NFRKB: variants seen among roughly 807,000 people sequenced by gnomAD.
NFRKB encodes nuclear factor related to kappa-B-binding protein.
A neutral mutation model predicts 135.7 loss-of-function variants in NFRKB; 62 were observed. The ratio of observed to expected loss-of-function variants is 0.46; its 90% CI spans 0.37 to 0.56. The LOEUF (loss-of-function observed/expected upper bound fraction) is 0.56, where lower values mean the gene tolerates loss of function less well. Among genes scored for constraint, NFRKB ranks in the 20% least tolerant of loss-of-function variants. NFRKB has a pLI of 0.00. For synonymous variants in NFRKB, 678 were observed against 635.6 expected (o/e 1.07, Z -1.00); for missense variants, 1,545 against 1,662.0 (o/e 0.93, Z 1.22).
intron 13 of NFRKB, among the ~76,000 whole-genome samples, chr11:129,880,982 A>G (rs941477690): frequency 8.5e-5 from 13 of 152,348 alleles, no homozygotes; most frequent in African/African-American, 3.1e-4. Flanking sequence ...GCATGTTATG[A>G]CAACTTACAC....
At position 129,881,758 on chromosome 11, in the gene NFRKB, T is replaced by C; in HGVS notation, c.1287A>G (p.Pro429=). 6 of 1,614,192 alleles carry C rather than the reference T, an allele frequency of 3.7e-6. No individual in the cohort carries two copies. The highest frequency in any genetic ancestry group is 2.2e-5 in the East Asian group (1 of 44,888). ...AAPNWAELVL[P]ALQYLAGESR... ...TTTCTCCAGCAAGATACTGCAGGGC[T>C]GGTAGTACCAACTCAGCCCAGTTGG... The change falls in exon 12 of 27, where the codon CCA becomes CCG. Residue 429 remains proline, a synonymous_variant. Transcript: ENST00000682444.
chr11:129,870,283 T>C (rs1231494319), intron 23 of NFRKB, 22 bp from the exon 24 acceptor site: 3 of 1,600,020 alleles, frequency 1.9e-6, no homozygotes, highest in Non-Finnish European at 2.6e-6. Context: ...GAAGCAGCAC[T>C]GATGAGGGAT....
At position 129,874,948 on chromosome 11, in the gene NFRKB, A is replaced by G; in HGVS notation, c.1855-32T>C. On this transcript the variant is annotated intron_variant, in intron 18 of 26. Transcript: ENST00000682444. This position sits in a 1 kb window ranked among gnomAD's most constrained non-coding sequence, Gnocchi z 4.5. ...ATCAGACAAAGGGAAATAAGAAACAAGTCAAGCTTAGATAACAGAAGTTAT... is the reference window on the plus strand; with the variant it reads ...ATCAGACAAAGGGAAATAAGAAACAGGTCAAGCTTAGATAACAGAAGTTAT... The G allele has an allele frequency of 1.9e-6, 3 of 1,613,082 alleles. No individual in the cohort carries two copies. Among genetic ancestry groups the G allele is most frequent in the Non-Finnish European group, 2.5e-6 (3 of 1,179,214 alleles).
At chr11:129,871,814 C>G (rs912577999) in intron 23 of NFRKB, among the ~76,000 whole-genome samples, 1 of 152,316 alleles carries the variant, frequency 6.6e-6, no homozygotes, top group East Asian at 1.9e-4. Context: ...TAAACCAGAT[C>G]AAGTCACCCT....
At chr11:129,864,886 G>A (rs1263156375) in intron 26 of NFRKB, 36 bp from the exon 27 acceptor site, 1 of 1,614,058 alleles carries the variant, frequency 6.2e-7, no homozygotes, top group Admixed American at 1.7e-5. Context: ...TCAATGGATT[G>A]CAAGCGGGCT....
At chr11:129,875,679 A>T (rs1948733180) in intron 17 of NFRKB, among the ~76,000 whole-genome samples, 2 of 114,914 alleles carry the variant, frequency 1.7e-5, no homozygotes, top group Non-Finnish European at 3.5e-5. Flanking sequence ...TTTTTTTGAG[A>T]CAGTTTCGCT....
In NFRKB at chr11:129,875,468, T is replaced by C. The variant is rs1948716817; in HGVS notation, c.1748-5A>G. The C allele has an allele frequency of 1.9e-6, 3 of 1,592,366 alleles. No homozygotes were observed. Among genetic ancestry groups the C allele is most frequent in the Non-Finnish European group, 2.6e-6 (3 of 1,169,622 alleles). On this transcript the variant is annotated splice_region_variant and splice_polypyrimidine_tract_variant and intron_variant, in intron 17 of 26. Transcript: ENST00000682444. ...GTCGAGCCGCAGCGTCCCGAACTGATGACATGAGAAAGCACACAGTCCACA... is the reference window on the plus strand; with the variant it reads ...GTCGAGCCGCAGCGTCCCGAACTGACGACATGAGAAAGCACACAGTCCACA...
intron 4 of NFRKB, among the ~76,000 whole-genome samples, chr11:129,887,094 C>A (rs1016184285): frequency 6.6e-6 from 1 of 152,204 alleles, no homozygotes; most frequent in Non-Finnish European, 1.5e-5. Context: ...CCATTCAGGG[C>A]CTTGTGCCAG....
Position 129,869,830 on chromosome 11 carries a change from G to T in NFRKB, c.3195C>A (p.Gly1065=). ...SSAFRLMPAL[G]VSVADQKGKS... ...TTCCCTTCTGGTCAGCCACACTCAC[G>T]CCAAGAGCTGGCATCAAGCGAAAAG... The change falls in exon 24 of 27, where the codon GGC becomes GGA. Residue 1065 remains glycine (G), a synonymous_variant. Coordinates refer to ENST00000682444, the MANE Select transcript of NFRKB (RefSeq NM_001143835.2). 6.2e-7 allele frequency: 1 copy of T among 1,614,236 alleles called. No individual in the cohort carries two copies. Among genetic ancestry groups the T allele is most frequent in the Non-Finnish European group, 8.5e-7 (1 of 1,180,054 alleles).
rs1202639968 is a variant in NFRKB at position 129,885,532 on chromosome 11, A to G, written c.543T>C (p.Pro181=). The G allele has an allele frequency of 1.9e-6, 3 of 1,613,988 alleles. No homozygotes were observed. The highest frequency in any genetic ancestry group is 2.5e-6 in the Non-Finnish European group (3 of 1,179,980). The change falls in exon 6 of 27, where the codon CCT becomes CCC. Residue 181 remains proline, a synonymous_variant. Transcript: ENST00000682444. ...RQKRPSPSRT[P]EEREWRTQQR... The stretch of plus-strand genomic sequence containing the variant: ...GCTGGGTCCGCCACTCCCGCTCCTC[A>G]GGTGTGCGGGATGGTGAAGGGCGTT...
At chr11:129,872,827 A>C in intron 23 of NFRKB, 57 bp downstream of exon 23, 2 of 1,512,450 alleles carry the variant, frequency 1.3e-6, no homozygotes, top group South Asian at 2.6e-5. Flanking sequence ...CTCCAGCTCC[A>C]GTGGTCCCTG....
At chr11:129,891,314 C>A (rs371488706) in intron 3 of NFRKB, among the ~76,000 whole-genome samples, 1 of 152,300 alleles carries the variant, frequency 6.6e-6, no homozygotes. Context: ...TAAGCCCTGG[C>A]AGCAAACTAA....
intron 11 of NFRKB, 41 bp downstream of exon 11, chr11:129,882,045 T>C (rs781647344): frequency 1.3e-6 from 2 of 1,542,366 alleles, no homozygotes; most frequent in East Asian, 2.2e-5. Context: ...TTGAACACTT[T>C]GAAAACTCTA....
intron 3 of NFRKB, among the ~76,000 whole-genome samples, chr11:129,889,308 AG>A (rs1352644369): frequency 6.6e-6 from 1 of 152,162 alleles, no homozygotes; most frequent in African/African-American, 2.4e-5. Flanking sequence ...TTGAGATTAA[AG>A]ACTACATATG....
At chr11:129,891,976 T>A (rs1949576796) in intron 3 of NFRKB, among the ~76,000 whole-genome samples, 1 of 152,234 alleles carries the variant, frequency 6.6e-6, no homozygotes, top group African/African-American at 2.4e-5. Flanking sequence ...CATAACAATC[T>A]TCTGGTTTTA....
chr11:129,882,559 G>A lies in NFRKB; in HGVS notation c.974C>T (p.Thr325Met), dbSNP rs569617706. ...KEEKKKKKIKTIKSEAEDLAE... is the reference protein window; with the variant it reads ...KEEKKKKKIKMIKSEAEDLAE... ...CAGGTCCTCTGCCTCTGATTTGATC[G>A]TTTTTATTTTCTTCTTCTTCTTTTC... Residue 325 changes from threonine to methionine, a missense_variant, in exon 10 of 27, where the codon ACG becomes ATG. Physicochemically the swap from Thr to Met is moderately conservative, Grantham distance 81. Transcript: ENST00000682444. 1.7e-5 allele frequency: 27 copies of A among 1,614,034 alleles called. No individual in the cohort carries two copies. The highest frequency in any genetic ancestry group is 1.7e-4 in the Middle Eastern group (1 of 6,060).
At position 129,867,738 on chromosome 11, in the gene NFRKB, T is replaced by C. The variant is rs1038812341; in HGVS notation, c.3532-1755A>G. ...CCCAATTTATGAAGGCTTCCCTATA[T>C]AGCTTGCTCAGTAAAGCGAAACTGT... is the stretch of plus-strand genomic sequence containing the variant. On this transcript the variant is annotated intron_variant, in intron 24 of 26. Coordinates refer to ENST00000682444, the MANE Select transcript of NFRKB (RefSeq NM_001143835.2). Among the ~76,000 whole-genome samples the C allele has an allele frequency of 9.2e-5, 14 of 152,362 alleles. No individual in the cohort carries two copies. The East Asian group carries it at 2.1e-3, about 23-fold the overall frequency.
rs1948678466 is a variant in NFRKB at position 129,874,645 on chromosome 11, G to A, written c.1979-65C>T. ...TTAGCAAACTAAAAAGAGGGGCTTT[G>A]TTAAAAACCAACACCTTGCCAGTGG... On this transcript the variant is annotated intron_variant, in intron 19 of 26. Coordinates refer to ENST00000682444, the MANE Select transcript of NFRKB (RefSeq NM_001143835.2). The surrounding 1 kb of genome is among the most constrained non-coding windows in gnomAD (Gnocchi z 4.5). The A allele has an allele frequency of 1.2e-6, 2 of 1,605,372 alleles. No individual in the cohort carries two copies.
intron 7 of NFRKB, among the ~76,000 whole-genome samples, chr11:129,884,444 T>C (rs73016823): frequency 3.3e-5 from 5 of 152,248 alleles, no homozygotes; most frequent in African/African-American, 1.2e-4. Flanking sequence ...TGGCTCTGGT[T>C]ATTCCTTTGT....
Sources: allele counts gnomAD v4.1 joint callset (sites outside exome capture counted in the v4.1 genomes callset), GRCh38; gene constraint gnomAD v4.1.1; non-coding constraint Gnocchi (gnomAD v3.1); transcripts MANE v1.5; gene names NCBI Gene and HGNC (gene_info 2026-07-23, HGNC 2026-07-21).